The following LOC400499 variants were observed in gnomAD, a reference collection of about 807,000 sequenced individuals.
At chr16:11,493,755 T>C in the LOC400499 span, 1 of 392,656 alleles carries the variant, frequency 2.5e-6, no homozygotes, top group Non-Finnish European at 4.4e-6. Context: ...GAGCCATGGC[T>C]GCCAAGCCCG....
At chr16:11,519,713 T>C in the LOC400499 span, among the ~76,000 whole-genome samples, 1 of 151,992 alleles carries the variant, frequency 6.6e-6, no homozygotes, top group African/African-American at 2.4e-5. Flanking sequence ...TCCACTTTTT[T>C]TTTTTTTTTG....
chr16:11,495,339 C>A, the LOC400499 span, among the ~76,000 whole-genome samples: 1 of 152,034 alleles, frequency 6.6e-6, no homozygotes, highest in Admixed American at 6.6e-5. Flanking sequence ...CAGGACACAG[C>A]TGCTCCCTGC....
chr16:11,486,144 G>A, the LOC400499 span, among the ~76,000 whole-genome samples: 3 of 144,482 alleles, frequency 2.1e-5, no homozygotes, highest in African/African-American at 5.1e-5. Flanking sequence ...GTGGGTAGAC[G>A]AATGAATGAT....
At chr16:11,514,807 A>AC in the LOC400499 span, among the ~76,000 whole-genome samples, 3 of 152,030 alleles carry the variant, frequency 2.0e-5, no homozygotes, top group Admixed American at 6.5e-5. Context: ...GCAGACAGTG[A>AC]CCCCCCAGGA....
chr16:11,475,575 C>T, the LOC400499 span: 4 of 398,598 alleles, frequency 1.0e-5, no homozygotes, highest in Non-Finnish European at 1.8e-5. Context: ...TTCCCTTCAA[C>T]CCTGGGATGC....
At chr16:11,435,298 G>C in the LOC400499 span, among the ~76,000 whole-genome samples, 1 of 151,866 alleles carries the variant, frequency 6.6e-6, no homozygotes, top group East Asian at 1.9e-4. Context: ...ATTTTTTGGA[G>C]AGATGGGGTC....
chr16:11,431,283 T>A, the LOC400499 span: 1 of 398,844 alleles, frequency 2.5e-6, no homozygotes, highest in Admixed American at 4.4e-5. Flanking sequence ...CAGGCAAACC[T>A]GGGTTCCAAC....
At chr16:11,391,410 C>G in the LOC400499 span, among the ~76,000 whole-genome samples, 1 of 152,172 alleles carries the variant, frequency 6.6e-6, no homozygotes, top group Non-Finnish European at 1.5e-5. Context: ...CTGAAAAAAC[C>G]TAGGCAGCAG....
At chr16:11,426,250 A>G in the LOC400499 span, among the ~76,000 whole-genome samples, 1 of 152,184 alleles carries the variant, frequency 6.6e-6, no homozygotes, top group East Asian at 1.9e-4. Flanking sequence ...AGCCTGGTCA[A>G]CATGGTGAAA....
chr16:11,451,870 A>G, the LOC400499 span, among the ~76,000 whole-genome samples: 6 of 152,124 alleles, frequency 3.9e-5, no homozygotes, highest in Non-Finnish European at 1.5e-5. Context: ...ATAGGGAGAC[A>G]TTGAAGAGTG....
At chr16:11,520,702 T>G in the LOC400499 span, among the ~76,000 whole-genome samples, 81 of 147,682 alleles carry the variant, frequency 5.5e-4, no homozygotes, top group African/African-American at 1.9e-3. Context: ...GTTGTACCCT[T>G]GGGAGAAGTG....
chr16:11,404,626 C>A, the LOC400499 span: 4 of 398,384 alleles, frequency 1.0e-5, no homozygotes, highest in East Asian at 1.4e-4. Flanking sequence ...GGATTACAGG[C>A]ATGAGCCACC....
the LOC400499 span, among the ~76,000 whole-genome samples, chr16:11,492,960 TG>T: frequency 6.6e-6 from 1 of 152,032 alleles, no homozygotes; most frequent in Non-Finnish European, 1.5e-5. Context: ...AAGAAAGGCC[TG>T]GGGACATCTG....
the LOC400499 span, among the ~76,000 whole-genome samples, chr16:11,484,299 GC>G: frequency 5.3e-5 from 8 of 152,034 alleles, no homozygotes; most frequent in Admixed American, 2.6e-4. Context: ...GAGCCACTAC[GC>G]CCGGCCGCAG....
chr16:11,393,616 TC>T, the LOC400499 span: 7 of 1,218,022 alleles, frequency 5.7e-6, no homozygotes, highest in Admixed American at 2.5e-4. Context: ...CCCTGGTCTC[TC>T]CCCTGCCCGC....
At chr16:11,386,045 T>C in the LOC400499 span, among the ~76,000 whole-genome samples, 1 of 151,934 alleles carries the variant, frequency 6.6e-6, no homozygotes, top group Non-Finnish European at 1.5e-5. Context: ...CAAAAAAAAA[T>C]GTCACACATA....
chr16:11,466,284 G>A, the LOC400499 span, among the ~76,000 whole-genome samples: 1 of 152,176 alleles, frequency 6.6e-6, no homozygotes, highest in Non-Finnish European at 1.5e-5. Context: ...AGAACTTTCT[G>A]CAATGAGGAC....
the LOC400499 span, among the ~76,000 whole-genome samples, chr16:11,490,150 C>T: frequency 2.0e-5 from 3 of 152,266 alleles, no homozygotes; most frequent in African/African-American, 7.2e-5. Flanking sequence ...ATCTCAAGCA[C>T]TTTGGGAGGC....
At chr16:11,443,384 C>G in the LOC400499 span, 3 of 419,572 alleles carry the variant, frequency 7.2e-6, no homozygotes, top group African/African-American at 2.3e-5. Context: ...GTGCATGAAC[C>G]TGGGACGTGG....
Sources: gnomAD v4.1 joint callset for allele counts (sites outside exome capture counted in the v4.1 genomes callset) on GRCh38, gnomAD v4.1.1 for gene constraint, MANE v1.5 for transcripts.